SLC39A11: variants seen among roughly 807,000 people sequenced by gnomAD.
The protein encoded by SLC39A11 is zinc transporter ZIP11.
A neutral mutation model predicts 36.1 loss-of-function variants in SLC39A11; 33 were observed. The observed-to-expected ratio is 0.91, with a 90% confidence interval of 0.69 to 1.22. The LOEUF (loss-of-function observed/expected upper bound fraction) is 1.22. Among genes scored for constraint, SLC39A11 ranks in the 50% most tolerant of loss-of-function variants. The pLI is 0.00. For missense variants in SLC39A11, 432 were observed against 430.3 expected, an observed-to-expected ratio of 1.00 and a Z score of -0.03; for synonymous variants, 166 against 170.3, an observed-to-expected ratio of 0.97 and a Z score of 0.20.
chr17:72,650,148 G>A lies in SLC39A11; in HGVS notation c.672-880C>T, dbSNP rs572078098. Reference sequence around the variant, plus strand: ...ATCTGGCTCTGGGCTCAGCTTCTCCGTGGGCTCTGCAGGTCTGGCACCATC... The same window carrying A: ...ATCTGGCTCTGGGCTCAGCTTCTCCATGGGCTCTGCAGGTCTGGCACCATC... On this transcript the variant is annotated intron_variant, in intron 7 of 9. Transcript: ENST00000255559. Among the ~76,000 whole-genome samples, 8 of 152,328 alleles carry A rather than the reference G, an allele frequency of 5.3e-5. 1 individual carries two copies. Among genetic ancestry groups the A allele is most frequent in the South Asian group, 4.2e-4 (2 of 4,818 alleles).
intron 5 of SLC39A11, among the ~76,000 whole-genome samples, chr17:72,909,209 A>G (rs1346598762): frequency 6.6e-6 from 1 of 152,180 alleles, no homozygotes; most frequent in Admixed American, 6.5e-5. Context: ...GGCTCAAGCG[A>G]TCCTCCCACC....
At chr17:72,847,890 A>G (rs891771783) in intron 6 of SLC39A11, among the ~76,000 whole-genome samples, 3 of 152,196 alleles carry the variant, frequency 2.0e-5, no homozygotes, top group African/African-American at 7.2e-5. Flanking sequence ...TTGCTCCTGT[A>G]TTAGAGTAAC....
intron 6 of SLC39A11, among the ~76,000 whole-genome samples, chr17:72,790,852 A>C (rs1189611985): frequency 6.6e-6 from 1 of 152,142 alleles, no homozygotes; most frequent in African/African-American, 2.4e-5. Flanking sequence ...GAATTTCTTG[A>C]ATTTGCATCA....
At chr17:73,007,097 C>T (rs1489098659) in intron 4 of SLC39A11, among the ~76,000 whole-genome samples, 2 of 152,134 alleles carry the variant, frequency 1.3e-5, no homozygotes, top group East Asian at 3.9e-4. Flanking sequence ...CGCAGCACGG[C>T]GCTCAGTCAA....
intron 4 of SLC39A11, among the ~76,000 whole-genome samples, chr17:73,011,644 CTCTGGTTT>C (rs1337537912): frequency 1.4e-5 from 2 of 144,756 alleles, no homozygotes; most frequent in Non-Finnish European, 3.0e-5. Flanking sequence ...TTAATTGTAC[CTCTGGTTT>C]TCTGGTTTTC....
intron 6 of SLC39A11, among the ~76,000 whole-genome samples, chr17:72,747,714 C>A (rs1419522015): frequency 6.6e-6 from 1 of 152,136 alleles, no homozygotes; most frequent in African/African-American, 2.4e-5. Flanking sequence ...TTGCTGATAA[C>A]CCTGCATGGC....
At chr17:72,716,220 T>C (rs907397876) in intron 7 of SLC39A11, among the ~76,000 whole-genome samples, 13 of 152,044 alleles carry the variant, frequency 8.6e-5, no homozygotes, top group Non-Finnish European at 1.6e-4. Context: ...CAGCACTCCA[T>C]TCTGGACAGA....
chr17:72,829,135 T>G (rs1028306017), intron 6 of SLC39A11, among the ~76,000 whole-genome samples: 2 of 151,968 alleles, frequency 1.3e-5, no homozygotes, highest in African/African-American at 2.4e-5. Context: ...GAGGATCACT[T>G]GAGCACAAGA....
chr17:72,810,443 G>A (rs2077398936), intron 6 of SLC39A11, among the ~76,000 whole-genome samples: 1 of 152,190 alleles, frequency 6.6e-6, no homozygotes, highest in Non-Finnish European at 1.5e-5. Flanking sequence ...AATGCACACA[G>A]ACGAACCTCA....
chr17:72,865,336 A>T (rs941764297), intron 5 of SLC39A11, among the ~76,000 whole-genome samples: 1 of 151,546 alleles, frequency 6.6e-6, no homozygotes, highest in African/African-American at 2.4e-5. Context: ...AGGGGGAAAA[A>T]ATTATGCACC....
chr17:73,024,362 G>A (rs190989300), intron 4 of SLC39A11, among the ~76,000 whole-genome samples: 42 of 152,304 alleles, frequency 2.8e-4, no homozygotes, highest in African/African-American at 9.9e-4. Context: ...GGGGCAAAGG[G>A]CTACTGTTCA....
intron 6 of SLC39A11, among the ~76,000 whole-genome samples, chr17:72,782,139 G>C (rs900797969): frequency 6.6e-6 from 1 of 152,030 alleles, no homozygotes; most frequent in Non-Finnish European, 1.5e-5. Context: ...CCTTCTAAGA[G>C]GAAAAGAAGG....
intron 4 of SLC39A11, among the ~76,000 whole-genome samples, chr17:73,014,182 A>G (rs2090682645): frequency 6.6e-6 from 1 of 152,152 alleles, no homozygotes; most frequent in South Asian, 2.1e-4. Flanking sequence ...CCTCCTGCAG[A>G]GCCAGAGTCT....
intron 5 of SLC39A11, among the ~76,000 whole-genome samples, chr17:72,854,831 C>T (rs2079553749): frequency 6.6e-6 from 1 of 152,144 alleles, no homozygotes; most frequent in African/African-American, 2.4e-5. Flanking sequence ...CAGAAAAGTC[C>T]CAGGCTCACT....
At position 72,823,520 on chromosome 17, in the gene SLC39A11, C is replaced by T. The variant is rs571624551; in HGVS notation, c.601+26114G>A. The T allele has an allele frequency of 2.0e-5, 3 of 151,468 alleles. No homozygotes were observed. The East Asian group carries it at 5.8e-4, about 29-fold the overall frequency. The allele number at this position is 151,468 out of a possible 1,614,324, so 9.4% of individuals were successfully genotyped here. A position where few individuals can be genotyped will look rare whatever the true frequency, so the allele number is the denominator to read the frequency against. On this transcript the variant is annotated intron_variant, in intron 6 of 9. Transcript: ENST00000255559. ...CACGCTGCATATGTTCCTAAAACAACCCCGTCCAAGCCATCCATCCACTTG... is the reference window on the plus strand; with the variant it reads ...CACGCTGCATATGTTCCTAAAACAATCCCGTCCAAGCCATCCATCCACTTG...
intron 7 of SLC39A11, among the ~76,000 whole-genome samples, chr17:72,732,696 GTCC>G (rs1734299888): frequency 6.6e-6 from 1 of 152,204 alleles, no homozygotes; most frequent in Non-Finnish European, 1.5e-5. Flanking sequence ...GTACTTAAGA[GTCC>G]TCCTCCTTGC....
chr17:72,990,811 A>G (rs1178195545), intron 4 of SLC39A11, among the ~76,000 whole-genome samples: 1 of 152,226 alleles, frequency 6.6e-6, no homozygotes, highest in African/African-American at 2.4e-5. Flanking sequence ...TATATAACCT[A>G]GAGACTAAAG....
At chr17:72,845,002 C>T (rs529567617) in intron 6 of SLC39A11, among the ~76,000 whole-genome samples, 6 of 152,294 alleles carry the variant, frequency 3.9e-5, no homozygotes, top group African/African-American at 1.4e-4. Context: ...TTGGCTCCAC[C>T]TTCAATCGGG....
chr17:73,004,332 C>G (rs1047778235), intron 4 of SLC39A11, among the ~76,000 whole-genome samples: 4 of 152,158 alleles, frequency 2.6e-5, no homozygotes, highest in Non-Finnish European at 5.9e-5. Flanking sequence ...GATCAGGGTG[C>G]CAGCATCATC....
Sources: gnomAD v4.1 joint callset for allele counts (sites outside exome capture counted in the v4.1 genomes callset) on GRCh38, gnomAD v4.1.1 for gene constraint, MANE v1.5 for transcripts, NCBI Gene and HGNC (gene_info 2026-07-23, HGNC 2026-07-21) for gene names.